The following TMEM64 variants were observed in gnomAD, a reference collection of about 807,000 sequenced individuals.
TMEM64 encodes the protein transmembrane protein 64.
Under a neutral mutation model 24.5 loss-of-function variants are expected in TMEM64, and 19 were observed. That is an observed-to-expected ratio of 0.78 (90% CI 0.54 to 1.14). The LOEUF (loss-of-function observed/expected upper bound fraction) is 1.14, where lower values mean the gene tolerates loss of function less well. TMEM64 is among the 50% of genes most tolerant of loss of function. The pLI is 0.00. For synonymous variants in TMEM64, 262 were observed against 224.7 expected (o/e 1.17, Z -1.49); for missense variants, 487 against 493.0 (o/e 0.99, Z 0.12).
At chr8:90,638,679 T>A (rs1270119555) in intron 1 of TMEM64, among the ~76,000 whole-genome samples, 1 of 151,888 alleles carries the variant, frequency 6.6e-6, no homozygotes, top group African/African-American at 2.4e-5. Flanking sequence ...GTTGGATGTA[T>A]CAACACCAAT....
At chr8:90,627,045 C>A (rs1179353781) in intron 2 of TMEM64, among the ~76,000 whole-genome samples, 1 of 152,132 alleles carries the variant, frequency 6.6e-6, no homozygotes, top group East Asian at 1.9e-4. Flanking sequence ...GCAAACACAG[C>A]AGGTGTTATT....
chr8:90,626,625 C>CTTTTTTTTTTTTTTTTTTTTTTT (rs1223612676), intron 2 of TMEM64, among the ~76,000 whole-genome samples: 1 of 112,536 alleles, frequency 8.9e-6, no homozygotes, highest in African/African-American at 4.4e-5. Flanking sequence ...CTTTTTTTTT[C>CTTTTTTTTTTTTTTTTTTTTTTT]TTTCTTTTTT....
At chr8:90,632,318 T>C (rs978305637) in intron 1 of TMEM64, among the ~76,000 whole-genome samples, 58 of 146,682 alleles carry the variant, frequency 4.0e-4, no homozygotes, top group African/African-American at 1.4e-3. Context: ...CTACTTTTTG[T>C]TGTTGTTGTT....
chr8:90,628,018 A>C (rs2130495685), intron 2 of TMEM64, among the ~76,000 whole-genome samples: 1 of 152,296 alleles, frequency 6.6e-6, no homozygotes, highest in South Asian at 2.1e-4. Flanking sequence ...TTACATCTTT[A>C]AGTGGGACTT....
chr8:90,622,956 T>G lies in TMEM64; in HGVS notation c.*2715A>C, dbSNP rs1809302815. On this transcript the variant is annotated 3_prime_UTR_variant, in exon 3 of 3. Transcript: ENST00000458549. ...TCAAGTTATTTCACAAATCAGATGA[T>G]CAAATAAAAATGGACATGAATATGC... 6.6e-6 allele frequency: 1 copy of G among 152,126 alleles called. No homozygotes were observed. The highest frequency in any genetic ancestry group is 2.4e-5 in the African/African-American group (1 of 41,438). The allele number at this position is 152,126 out of a possible 1,614,324, so 9.4% of individuals were successfully genotyped here.
chr8:90,634,736 C>T (rs1250963623), intron 1 of TMEM64, among the ~76,000 whole-genome samples: 1 of 152,088 alleles, frequency 6.6e-6, no homozygotes, highest in Non-Finnish European at 1.5e-5. Context: ...TTATTGTTGC[C>T]ACTACTACTG....
At chr8:90,631,411 G>T in intron 2 of TMEM64, 141 bp downstream of exon 2, 1 of 605,808 alleles carries the variant, frequency 1.7e-6, no homozygotes. Context: ...GTCAAAATAT[G>T]TAGTAGTAAT....
At chr8:90,625,884 TAC>T (rs756988049) in intron 2 of TMEM64, 22 bp from the exon 3 acceptor site, 3 of 1,501,242 alleles carry the variant, frequency 2.0e-6, no homozygotes, top group South Asian at 1.2e-5. Flanking sequence ...AATAAAACAT[TAC>T]AGTTATCAAT....
chr8:90,642,311 A>G (rs749608218), intron 1 of TMEM64, among the ~76,000 whole-genome samples: 12 of 152,192 alleles, frequency 7.9e-5, no homozygotes, highest in Non-Finnish European at 1.3e-4. Context: ...ATCTATTTCC[A>G]AAGCCTGGGC....
rs1483665993 is a variant in TMEM64, at chr8:90,645,368, C to T, written c.538G>A (p.Val180Met). The part of the protein sequence containing the change: ...VSFPCGWGYI[V>M]LNVAAGYLYG... The stretch of plus-strand genomic sequence containing the variant: ...AGGTAGCCAGCGGCCACGTTGAGCA[C>T]GATGTAGCCCCAGCCGCAGGGGAAA... Residue 180 changes from valine to methionine, a missense_variant, in exon 1 of 3, where the codon GTG (valine) becomes ATG (methionine). Coordinates refer to ENST00000458549, the MANE Select transcript of TMEM64 (RefSeq NM_001008495.4). This position sits in a 1 kb window ranked among gnomAD's most constrained non-coding sequence, Gnocchi z 4.2. 5.2e-6 allele frequency: 8 copies of T among 1,552,104 alleles called. No homozygotes were observed. Among genetic ancestry groups the T allele is most frequent in the Non-Finnish European group, 7.0e-6 (8 of 1,147,308 alleles).
rs1586123242 is a variant in TMEM64, at chr8:90,622,357, A to G, written c.*3314T>C. The G allele has an allele frequency of 6.6e-6, 1 of 152,242 alleles. No homozygotes were observed. The highest frequency in any genetic ancestry group is 1.9e-4 in the East Asian group (1 of 5,204). The allele number at this position is 152,242 out of a possible 1,614,324, so 9.4% of individuals were successfully genotyped here. On this transcript the variant is annotated 3_prime_UTR_variant, in exon 3 of 3. Coordinates refer to ENST00000458549, the MANE Select transcript of TMEM64 (RefSeq NM_001008495.4). ...ACCAATCTAAAAATCAGATAGTGTT[A>G]TACTGAACATCATTCTGATATAATG... is the stretch of plus-strand genomic sequence containing the variant.
rs907031868 is a variant in TMEM64 at position 90,624,934 on chromosome 8, T to C, written c.*737A>G. ...AAAAATCTAAGGAGGGTAAAGCCAA[T>C]GTAACTGAATTAGAACAAGAGTTCC... On this transcript the variant is annotated 3_prime_UTR_variant, in exon 3 of 3. Transcript: ENST00000458549. 46 of 152,586 alleles carry C rather than the reference T, an allele frequency of 3.0e-4. 1 individual carries two copies. The highest frequency in any genetic ancestry group is 8.4e-4 in the African/African-American group (35 of 41,452). 9.5% of individuals were successfully genotyped at this position (152,586 alleles called of 1,614,324 possible).
chr8:90,641,214 G>T (rs975975970), intron 1 of TMEM64, among the ~76,000 whole-genome samples: 4 of 152,164 alleles, frequency 2.6e-5, no homozygotes, highest in Non-Finnish European at 5.9e-5. Flanking sequence ...AGGCAGTAGG[G>T]TCTGTAGTAA....
intron 2 of TMEM64, among the ~76,000 whole-genome samples, chr8:90,626,665 C>A (rs1414162098): frequency 7.7e-6 from 1 of 129,652 alleles, no homozygotes; most frequent in African/African-American, 3.1e-5. Flanking sequence ...GAGTCTCGCT[C>A]TGTCGCCCAG....
At chr8:90,638,616 G>A (rs1447618435) in intron 1 of TMEM64, among the ~76,000 whole-genome samples, 24 of 152,162 alleles carry the variant, frequency 1.6e-4, no homozygotes, top group Non-Finnish European at 1.5e-4. Context: ...TGTGTCCCTA[G>A]ATCTTAACAA....
chr8:90,638,586 C>T (rs1439277557), intron 1 of TMEM64, among the ~76,000 whole-genome samples: 1 of 152,192 alleles, frequency 6.6e-6, no homozygotes, highest in African/African-American at 2.4e-5. Context: ...GGAAAGGGAT[C>T]TGTCGTTCTT....
In TMEM64 at chr8:90,645,962, G is replaced by T; in HGVS notation, c.-57C>A. 2 of 995,030 alleles carry T rather than the reference G, an allele frequency of 2.0e-6. No homozygotes were observed. Among genetic ancestry groups the T allele is most frequent in the South Asian group, 4.8e-5 (1 of 20,970 alleles). 61.6% of individuals were successfully genotyped at this position (995,030 alleles called of 1,614,324 possible). ...AGCCCCTCCGCCGCGGCGCCCGTTA[G>T]GCAGCTGCCCTTCATGGCGCCCGGT... is the stretch of plus-strand genomic sequence containing the variant. On this transcript the variant is annotated 5_prime_UTR_variant, in exon 1 of 3. Coordinates refer to ENST00000458549, the MANE Select transcript of TMEM64 (RefSeq NM_001008495.4). The surrounding 1 kb of genome is among the most constrained non-coding windows in gnomAD (Gnocchi z 4.2).
chr8:90,628,972 A>G (rs1449101795), intron 2 of TMEM64, among the ~76,000 whole-genome samples: 1 of 152,216 alleles, frequency 6.6e-6, no homozygotes, highest in African/African-American at 2.4e-5. Flanking sequence ...TCCTATGAAC[A>G]GTTATTTTGT....
intron 2 of TMEM64, among the ~76,000 whole-genome samples, chr8:90,626,188 T>C (rs753107901): frequency 5.3e-5 from 8 of 152,168 alleles, no homozygotes; most frequent in Non-Finnish European, 1.2e-4. Flanking sequence ...ATGTCTACAA[T>C]AGAGGTAACA....
Sources: allele counts gnomAD v4.1 joint callset (sites outside exome capture counted in the v4.1 genomes callset), GRCh38; gene constraint gnomAD v4.1.1; non-coding constraint Gnocchi (gnomAD v3.1); transcripts MANE v1.5; gene names NCBI Gene and HGNC (gene_info 2026-07-23, HGNC 2026-07-21).